CORO2B: variants seen among roughly 807,000 people sequenced by gnomAD.
CORO2B encodes coronin 2B.
Under a neutral mutation model 58.8 loss-of-function variants are expected in CORO2B, and 26 were observed. The observed-to-expected ratio is 0.44, with a 90% confidence interval of 0.32 to 0.61. CORO2B has a LOEUF of 0.61. CORO2B is among the 20% of genes least tolerant of loss of function. The pLI, the probability that CORO2B is intolerant of heterozygous loss-of-function variation, is 0.04. For synonymous variants in CORO2B, 242 were observed against 253.8 expected (o/e 0.95, Z 0.44); for missense variants, 460 against 645.1 (o/e 0.71, Z 3.11).
At chr15:68,524,181 C>T in the CORO2B span, among the ~76,000 whole-genome samples, 1 of 151,978 alleles carries the variant, frequency 6.6e-6, no homozygotes, top group Non-Finnish European at 1.5e-5. Context: ...AATTGCACCA[C>T]TGCACTCCAG....
chr15:68,612,900 A>AT (rs1225776858), intron 1 of CORO2B, among the ~76,000 whole-genome samples: 1 of 152,036 alleles, frequency 6.6e-6, no homozygotes, highest in South Asian at 2.1e-4. Flanking sequence ...CTTGTGGCTC[A>AT]TTTTTCCTTA....
intron 1 of CORO2B, among the ~76,000 whole-genome samples, chr15:68,587,133 T>C (rs1899587120): frequency 6.7e-6 from 1 of 148,998 alleles, no homozygotes; most frequent in Non-Finnish European, 1.5e-5. Flanking sequence ...ACACCAATAG[T>C]CCCAGCTACT....
At chr15:68,702,444 C>A (rs539396332) in intron 3 of CORO2B, among the ~76,000 whole-genome samples, 1 of 152,276 alleles carries the variant, frequency 6.6e-6, no homozygotes, top group Admixed American at 6.5e-5. Flanking sequence ...CCCCTCCTAC[C>A]TCCCTGGGTT....
intron 3 of CORO2B, among the ~76,000 whole-genome samples, chr15:68,708,721 C>T (rs1415891022): frequency 6.6e-6 from 1 of 151,922 alleles, no homozygotes; most frequent in Non-Finnish European, 1.5e-5. Context: ...GCTCTGTTGC[C>T]CAGGATAGAG....
chr15:68,690,642 CTTTCT>C (rs1567010118), intron 2 of CORO2B, among the ~76,000 whole-genome samples: 1 of 121,270 alleles, frequency 8.2e-6, no homozygotes, highest in African/African-American at 3.5e-5. Context: ...ATCACGTTAG[CTTTCT>C]TTTTTTTTTT....
Position 68,676,740 on chromosome 15 carries a change from G to A in CORO2B, c.217-18400G>A, listed in dbSNP as rs577260852. On this transcript the variant is annotated intron_variant, in intron 2 of 11. Coordinates refer to ENST00000261861, the MANE Select transcript of CORO2B (RefSeq NM_006091.5). The stretch of plus-strand genomic sequence containing the variant: ...CTTGACCTGACTCAGGAGGTCTAGA[G>A]GTGGCCCAAGATCTGTGTTTTTTGT... Among the ~76,000 whole-genome samples, 5 of 152,230 alleles carry A rather than the reference G, an allele frequency of 3.3e-5. No homozygotes were observed. The South Asian group carries it at 1.0e-3, about 32-fold the overall frequency.
At chr15:68,623,769 G>A (rs1253293780) in intron 1 of CORO2B, among the ~76,000 whole-genome samples, 2 of 152,198 alleles carry the variant, frequency 1.3e-5, no homozygotes, top group East Asian at 1.9e-4. Context: ...CACGGCTGCT[G>A]GGTAATCCCC....
At chr15:68,520,735 G>A in the CORO2B span, among the ~76,000 whole-genome samples, 1 of 152,196 alleles carries the variant, frequency 6.6e-6, no homozygotes, top group Non-Finnish European at 1.5e-5. Flanking sequence ...AAACAGCATA[G>A]CATTTAAAAA....
chr15:68,630,889 C>A (rs140869300), intron 1 of CORO2B, among the ~76,000 whole-genome samples: 1 of 152,134 alleles, frequency 6.6e-6, no homozygotes, highest in East Asian at 1.9e-4. Flanking sequence ...GGCGGGAAGC[C>A]GTGTGTGTGC....
chr15:68,705,869 G>A (rs913007655), intron 3 of CORO2B, among the ~76,000 whole-genome samples: 1 of 152,146 alleles, frequency 6.6e-6, no homozygotes, highest in African/African-American at 2.4e-5. Context: ...TTTTCTGGAT[G>A]AGGAGCCTGA....
intron 1 of CORO2B, among the ~76,000 whole-genome samples, chr15:68,606,613 G>A (rs1016060522): frequency 6.6e-6 from 1 of 152,222 alleles, no homozygotes; most frequent in Non-Finnish European, 1.5e-5. Context: ...CTGCTTCTGA[G>A]TGGAAGAGGC....
chr15:68,697,600 G>T (rs1001012086), intron 3 of CORO2B, among the ~76,000 whole-genome samples: 1 of 152,148 alleles, frequency 6.6e-6, no homozygotes, highest in African/African-American at 2.4e-5. Context: ...AGCAGTGAAG[G>T]CAGTGCCCTT....
upstream of CORO2B, among the ~76,000 whole-genome samples, chr15:68,576,032 A>G (rs1207663617): frequency 6.6e-6 from 1 of 151,038 alleles, no homozygotes; most frequent in African/African-American, 2.4e-5. Context: ...GGGCACCTGT[A>G]GTCCCAGCTA....
At chr15:68,724,975 T>C (rs554298384) in intron 11 of CORO2B, among the ~76,000 whole-genome samples, 4 of 152,342 alleles carry the variant, frequency 2.6e-5, no homozygotes, top group Admixed American at 2.0e-4. Flanking sequence ...TTTGGTATTC[T>C]TGTCATAGTT....
At chr15:68,655,186 A>C (rs1336901198) in intron 2 of CORO2B, among the ~76,000 whole-genome samples, 1 of 152,244 alleles carries the variant, frequency 6.6e-6, no homozygotes, top group Non-Finnish European at 1.5e-5. Flanking sequence ...CCTGGCGTAC[A>C]GCAAGTGCTC....
Position 68,719,628 on chromosome 15 carries a change from C to G in CORO2B, c.1311+76C>G. On this transcript the variant is annotated intron_variant, in intron 11 of 11. Coordinates refer to ENST00000261861, the MANE Select transcript of CORO2B (RefSeq NM_006091.5). ...TACATTTCAATTATGGGCTTCAGGC[C>G]TTTAAGCCAGTTCCATTCTGAGACA... 9.4e-6 allele frequency: 14 copies of G among 1,489,128 alleles called. No individual in the cohort carries two copies. The South Asian group carries it at 1.6e-4, about 17-fold the overall frequency. 92.2% of individuals were successfully genotyped at this position (1,489,128 alleles called of 1,614,324 possible).
chr15:68,533,749 A>G, the CORO2B span, among the ~76,000 whole-genome samples: 2 of 152,248 alleles, frequency 1.3e-5, no homozygotes, highest in African/African-American at 4.8e-5. Flanking sequence ...GACAGTTCTT[A>G]AAACAAGCAT....
chr15:68,706,951 A>C (rs1325460725), intron 3 of CORO2B, among the ~76,000 whole-genome samples: 3 of 152,014 alleles, frequency 2.0e-5, no homozygotes, highest in Non-Finnish European at 4.4e-5. Context: ...GGGCTCAAGC[A>C]ATCCTCCCAC....
At chr15:68,643,252 G>T (rs1328929856) in intron 1 of CORO2B, among the ~76,000 whole-genome samples, 1 of 152,126 alleles carries the variant, frequency 6.6e-6, no homozygotes, top group Non-Finnish European at 1.5e-5. Flanking sequence ...CCAGTGCTTG[G>T]GGAAGGGAGA....
Sources: allele counts gnomAD v4.1 joint callset (sites outside exome capture counted in the v4.1 genomes callset), GRCh38; gene constraint gnomAD v4.1.1; transcripts MANE v1.5; gene names NCBI Gene and HGNC (gene_info 2026-07-23, HGNC 2026-07-21).